The following TTC27 variants were observed in gnomAD, a reference collection of about 807,000 sequenced individuals.
TTC27 encodes tetratricopeptide repeat domain 27.
A neutral mutation model predicts 115.9 loss-of-function variants in TTC27; 79 were observed. The ratio of observed to expected loss-of-function variants is 0.68; its 90% confidence interval spans 0.57 to 0.82. The LOEUF (loss-of-function observed/expected upper bound fraction) is 0.82. Among genes scored for constraint, TTC27 ranks in the 40% least tolerant of loss-of-function variants. TTC27 has a pLI of 0.00. For synonymous variants in TTC27, 401 were observed against 356.0 expected, an observed-to-expected ratio of 1.13 and a Z score of -1.42; for missense variants, 1,054 against 993.1, an observed-to-expected ratio of 1.06 and a Z score of -0.82.
chr2:32,766,137 C>A (rs1669618174), intron 13 of TTC27, among the ~76,000 whole-genome samples: 1 of 152,204 alleles, frequency 6.6e-6, no homozygotes, highest in South Asian at 2.1e-4. Flanking sequence ...ACATGCCTTT[C>A]TCACTAAACT....
At chr2:32,762,264 AAC>A (rs1172408287) in intron 13 of TTC27, among the ~76,000 whole-genome samples, 1 of 148,100 alleles carries the variant, frequency 6.8e-6, no homozygotes, top group Non-Finnish European at 1.5e-5. Context: ...AAGCTCTAGA[AAC>A]ACAGAGAGAA....
intron 12 of TTC27, among the ~76,000 whole-genome samples, chr2:32,740,012 A>G (rs1036843883): frequency 6.6e-6 from 1 of 152,210 alleles, no homozygotes; most frequent in Non-Finnish European, 1.5e-5. Context: ...TCTAGCTTAG[A>G]AACTACCGGC....
intron 11 of TTC27, among the ~76,000 whole-genome samples, 173 bp from the exon 12 acceptor site, chr2:32,736,521 A>C (rs1668456767): frequency 1.3e-5 from 2 of 152,242 alleles, no homozygotes; most frequent in South Asian, 4.1e-4. Context: ...TGTTTTCTAA[A>C]GTAAAGGTAT....
intron 4 of TTC27, among the ~76,000 whole-genome samples, chr2:32,649,545 ATTTTT>A (rs202170602): frequency 7.3e-6 from 1 of 136,306 alleles, no homozygotes; most frequent in African/African-American, 2.7e-5. Flanking sequence ...TGAATACAAC[ATTTTT>A]TTTTTTTTTT....
chr2:32,808,214 C>T (rs1343738660), intron 16 of TTC27, among the ~76,000 whole-genome samples: 2 of 152,120 alleles, frequency 1.3e-5, no homozygotes, highest in African/African-American at 4.8e-5. Flanking sequence ...GGATTACAGG[C>T]GTGAGCCACT....
At chr2:32,792,705 A>G (rs1670577886) in intron 16 of TTC27, among the ~76,000 whole-genome samples, 1 of 152,100 alleles carries the variant, frequency 6.6e-6, no homozygotes, top group Non-Finnish European at 1.5e-5. Context: ...TAGTTTTTGT[A>G]ATGGGTTAAG....
At chr2:32,714,554 A>G (rs183562933) in intron 10 of TTC27, among the ~76,000 whole-genome samples, 6 of 152,290 alleles carry the variant, frequency 3.9e-5, no homozygotes, top group Non-Finnish European at 7.4e-5. Context: ...ATGAACATAC[A>G]CACACATGTG....
intron 5 of TTC27, 136 bp downstream of exon 5, chr2:32,650,369 T>A: frequency 1.8e-6 from 1 of 545,640 alleles, no homozygotes; most frequent in Non-Finnish European, 3.1e-6. Context: ...TTTTTTTTTT[T>A]TTTTTGGTGT....
intron 16 of TTC27, among the ~76,000 whole-genome samples, chr2:32,803,267 G>A (rs1671018090): frequency 2.0e-5 from 3 of 152,224 alleles, no homozygotes; most frequent in Non-Finnish European, 4.4e-5. Context: ...ACTCTTAGGC[G>A]CCGGCCAGGC....
At chr2:32,702,478 T>C (rs2151900946) in intron 9 of TTC27, among the ~76,000 whole-genome samples, 1 of 152,316 alleles carries the variant, frequency 6.6e-6, no homozygotes, top group African/African-American at 2.4e-5. Context: ...GTAATGGTGG[T>C]CACAGCTTTC....
rs1249227927 is a variant in TTC27 at position 32,664,361 on chromosome 2, C to A, written c.699C>A (p.Phe233Leu). ...CAGGTCGATATTTGGCTATTCAATT[C>A]CATCTGGAATGTGCATATGTGTTTT... ...DDSGRYLAIQ[F>L]HLECAYVFLY... is the part of the protein sequence containing the mutation. The change falls in exon 6 of 20, where the codon TTC becomes TTA. Residue 233 changes from phenylalanine to leucine, a missense_variant. Coordinates refer to ENST00000317907, the MANE Select transcript of TTC27 (RefSeq NM_017735.5). 1 of 1,611,256 alleles carries A rather than the reference C, an allele frequency of 6.2e-7. No homozygotes were observed. The highest frequency in any genetic ancestry group is 1.1e-5 in the South Asian group (1 of 90,388).
intron 5 of TTC27, among the ~76,000 whole-genome samples, chr2:32,663,345 C>T (rs938934439): frequency 2.6e-5 from 4 of 152,146 alleles, no homozygotes; most frequent in African/African-American, 4.8e-5. Context: ...GTTGAGAAGA[C>T]GGGAAAAGCT....
chr2:32,790,821 A>G (rs185250672), intron 16 of TTC27, among the ~76,000 whole-genome samples: 2 of 151,376 alleles, frequency 1.3e-5, no homozygotes, highest in Non-Finnish European at 1.5e-5. Flanking sequence ...TTGATTTTGT[A>G]TCTGAATTTA....
At chr2:32,720,286 A>G (rs1667880415) in intron 10 of TTC27, among the ~76,000 whole-genome samples, 1 of 152,202 alleles carries the variant, frequency 6.6e-6, no homozygotes, top group Admixed American at 6.5e-5. Context: ...GTCAGTTTCT[A>G]TATTTTACTT....
At chr2:32,677,341 T>C (rs562626481) in intron 8 of TTC27, among the ~76,000 whole-genome samples, 130 of 152,272 alleles carry the variant, frequency 8.5e-4, no homozygotes, top group Non-Finnish European at 1.5e-3. Flanking sequence ...TGGATATTTA[T>C]GTATCTCATT....
rs774880604 is a variant in TTC27, at chr2:32,640,329, C to T, written c.456C>T (p.Tyr152=). Reference sequence around the variant, plus strand: ...TCACTCTAGATGGTGAATCAATCTACAGCCTGACCTCGAAGCCTATACTAC... The same window carrying T: ...TCACTCTAGATGGTGAATCAATCTATAGCCTGACCTCGAAGCCTATACTAC... The part of the protein sequence containing the change: ...SLLTLDGESI[Y]SLTSKPILLL... Residue 152 remains tyrosine (Y), a synonymous_variant, in exon 4 of 20, where the codon TAC becomes TAT. Transcript: ENST00000317907. 34 of 1,613,862 alleles carry T rather than the reference C, an allele frequency of 2.1e-5. No individual in the cohort carries two copies. Among genetic ancestry groups the T allele is most frequent in the Non-Finnish European group, 5.9e-6 (7 of 1,179,936 alleles).
intron 12 of TTC27, among the ~76,000 whole-genome samples, chr2:32,742,308 A>G (rs1668672797): frequency 6.6e-6 from 1 of 152,250 alleles, no homozygotes; most frequent in Admixed American, 6.5e-5. Context: ...AATAGGCAAA[A>G]TAATGGAAAA....
intron 18 of TTC27, 58 bp from the exon 19 acceptor site, chr2:32,817,399 C>A: frequency 7.1e-7 from 1 of 1,403,108 alleles, no homozygotes; most frequent in Non-Finnish European, 1.0e-6. Flanking sequence ...GGCTTTTGTA[C>A]CTGTGAATTA....
chr2:32,677,382 T>A (rs962147542), intron 8 of TTC27, among the ~76,000 whole-genome samples: 2 of 152,064 alleles, frequency 1.3e-5, no homozygotes, highest in African/African-American at 4.8e-5. Flanking sequence ...ATTCCTCTGG[T>A]CTCTCTATCT....
Sources: gnomAD v4.1 joint callset for allele counts (sites outside exome capture counted in the v4.1 genomes callset) on GRCh38, gnomAD v4.1.1 for gene constraint, MANE v1.5 for transcripts, NCBI Gene and HGNC (gene_info 2026-07-23, HGNC 2026-07-21) for gene names.